Variants in GSTCD observed in about 807,000 individuals in gnomAD.
GSTCD encodes glutathione S-transferase C-terminal domain containing, also known as glutathione S-transferase C-terminal domain-containing protein.
Under a neutral mutation model 68.3 loss-of-function variants are expected in GSTCD, and 44 were observed. The ratio of observed to expected loss-of-function variants is 0.64; its 90% CI spans 0.51 to 0.83. The LOEUF is 0.83. GSTCD is among the 40% of genes least tolerant of loss of function. GSTCD has a pLI of 0.00. For missense variants in GSTCD, 739 were observed against 735.9 expected (o/e 1.00, Z -0.05); for synonymous variants, 273 against 255.2 (o/e 1.07, Z -0.67).
chr4:105,751,357 A>G (rs1734003943), intron 5 of GSTCD, among the ~76,000 whole-genome samples: 1 of 152,170 alleles, frequency 6.6e-6, no homozygotes, highest in African/African-American at 2.4e-5. Flanking sequence ...CCTTTTTTCA[A>G]ACAGAAGAAT....
intron 5 of GSTCD, among the ~76,000 whole-genome samples, chr4:105,792,562 T>C (rs572012512): frequency 3.9e-5 from 6 of 152,146 alleles, no homozygotes; most frequent in Admixed American, 1.3e-4. Context: ...TAAAAAATAC[T>C]AGAGCCGAAT....
At position 105,764,388 on chromosome 4, in the gene GSTCD, A is replaced by G. The variant is rs112278272; in HGVS notation, c.1240+34889A>G. Among the ~76,000 whole-genome samples the G allele has an allele frequency of 8.3e-3, 1,257 of 152,306 alleles. 10 individuals are homozygous for G. Among genetic ancestry groups the G allele is most frequent in the Middle Eastern group, 0.027 (8 of 294 alleles). On this transcript the variant is annotated intron_variant, in intron 5 of 11. Transcript: ENST00000515279. ...ATTTGTTCGTTTATGAGTGGCTGCA[A>G]CAGATTTAGAGAAAGATGTGGGATA...
intron 5 of GSTCD, among the ~76,000 whole-genome samples, chr4:105,795,615 A>C (rs1157442206): frequency 6.6e-6 from 1 of 152,088 alleles, no homozygotes; most frequent in Non-Finnish European, 1.5e-5. Flanking sequence ...AGCATCTAAA[A>C]TCATTAGGCC....
chr4:105,736,099 T>C (rs1053727700), intron 5 of GSTCD, among the ~76,000 whole-genome samples: 2 of 152,160 alleles, frequency 1.3e-5, no homozygotes, highest in African/African-American at 4.8e-5. Context: ...TTTTTGTTTC[T>C]TTATAATTTT....
intron 5 of GSTCD, among the ~76,000 whole-genome samples, chr4:105,814,485 C>A (rs1200923348): frequency 2.0e-5 from 3 of 152,040 alleles, no homozygotes; most frequent in African/African-American, 7.2e-5. Context: ...TGATGGTGTG[C>A]ACCTGTAATC....
chr4:105,725,279 A>G (rs961638327), intron 3 of GSTCD, among the ~76,000 whole-genome samples: 3 of 152,118 alleles, frequency 2.0e-5, no homozygotes, highest in Non-Finnish European at 4.4e-5. Flanking sequence ...AAGTTTTGGC[A>G]ATTATGAATA....
At chr4:105,743,334 A>T (rs1412432303) in intron 5 of GSTCD, among the ~76,000 whole-genome samples, 2 of 152,012 alleles carry the variant, frequency 1.3e-5, no homozygotes, top group African/African-American at 4.8e-5. Flanking sequence ...TTTTTCTTCA[A>T]TAGACTGTGA....
intron 5 of GSTCD, among the ~76,000 whole-genome samples, chr4:105,777,570 T>G (rs1735118806): frequency 6.6e-6 from 1 of 152,232 alleles, no homozygotes. Context: ...ATAAGTTACT[T>G]AGGTTCACAT....
intron 5 of GSTCD, among the ~76,000 whole-genome samples, chr4:105,763,797 A>G (rs1734504118): frequency 6.6e-6 from 1 of 152,166 alleles, no homozygotes; most frequent in South Asian, 2.1e-4. Flanking sequence ...CGTTTCTCTC[A>G]TCAAACCATT....
intron 8 of GSTCD, chr4:105,827,237 C>A (rs1668789429): frequency 6.6e-6 from 1 of 152,182 alleles, no homozygotes; most frequent in Admixed American, 6.5e-5. Context: ...TAAATGTGGA[C>A]TGCTACCCAT....
intron 5 of GSTCD, among the ~76,000 whole-genome samples, chr4:105,746,670 A>G (rs1415892184): frequency 1.3e-5 from 2 of 152,144 alleles, no homozygotes; most frequent in Non-Finnish European, 1.5e-5. Context: ...GTAGCAAGAT[A>G]TTCTTATCAA....
intron 5 of GSTCD, among the ~76,000 whole-genome samples, chr4:105,751,927 C>T (rs535627728): frequency 6.6e-6 from 1 of 152,288 alleles, no homozygotes; most frequent in East Asian, 1.9e-4. Context: ...GTATAACATA[C>T]TATTACCTAA....
chr4:105,763,424 T>A (rs1024226613), intron 5 of GSTCD, among the ~76,000 whole-genome samples: 1 of 152,164 alleles, frequency 6.6e-6, no homozygotes, highest in African/African-American at 2.4e-5. Context: ...CAATGATATA[T>A]GAACTGCTGT....
Position 105,719,342 on chromosome 4 carries a change from C to G in GSTCD, c.709C>G (p.Leu237Val). The G allele has an allele frequency of 6.2e-7, 1 of 1,614,122 alleles. No homozygotes were observed. The highest frequency in any genetic ancestry group is 8.5e-7 in the Non-Finnish European group (1 of 1,180,002). Residue 237 changes from leucine to valine, a missense_variant, in exon 3 of 12, where the codon CTG becomes GTG. Coordinates refer to ENST00000515279, the MANE Select transcript of GSTCD (RefSeq NM_001370181.1). Reference protein sequence around the residue: ...SEGLDSSSKSLELKVAFSKLT... With the variant: ...SEGLDSSSKSVELKVAFSKLT... ...AGGGTTGGATTCTTCATCCAAGAGTCTGGAACTGAAAGTGGCATTCTCAAA... is the reference window on the plus strand; with the variant it reads ...AGGGTTGGATTCTTCATCCAAGAGTGTGGAACTGAAAGTGGCATTCTCAAA...
At position 105,835,641 on chromosome 4, in the gene GSTCD, CTT is replaced by C. The variant is rs2149284635; in HGVS notation, c.1664+1048_1664+1049del. On this transcript the variant is annotated intron_variant, in intron 9 of 11. Transcript: ENST00000515279. ...GGCCGCATCTCTTCTCTCCTTCTCT[CTT>C]CTCTCCTTCTCATGCTTGCAACATG... Among the ~76,000 whole-genome samples, 3 of 152,188 alleles carry C rather than the reference CTT, an allele frequency of 2.0e-5. No individual in the cohort carries two copies. In the East Asian group the frequency reaches 5.8e-4, roughly 30 times the overall value.
chr4:105,811,138 C>T (rs1159757797), intron 5 of GSTCD, among the ~76,000 whole-genome samples: 1 of 152,128 alleles, frequency 6.6e-6, no homozygotes, highest in African/African-American at 2.4e-5. Context: ...TACTGCAAGA[C>T]TCCTTAGCAC....
intron 5 of GSTCD, among the ~76,000 whole-genome samples, chr4:105,736,271 G>T (rs1172830125): frequency 2.6e-5 from 4 of 151,988 alleles, no homozygotes; most frequent in Admixed American, 1.3e-4. Context: ...TTTCCTGTGA[G>T]TTTTGTAATT....
Position 105,823,690 on chromosome 4 carries a change from C to CA in GSTCD, c.1401+429dup, listed in dbSNP as rs575003488. Reference sequence around the variant, plus strand: ...ATAACAATAGCAAAATTTTTTAAAGCAAAAAAAAAAAAAACCCAAAACCTA... The same window carrying CA: ...ATAACAATAGCAAAATTTTTTAAAGCAAAAAAAAAAAAAAACCCAAAACCTA... On this transcript the variant is annotated intron_variant, in intron 7 of 11. Coordinates refer to ENST00000515279, the MANE Select transcript of GSTCD (RefSeq NM_001370181.1). 497 of 101,614 alleles carry CA rather than the reference C, an allele frequency of 4.9e-3. 1 individual carries two copies. The highest frequency in any genetic ancestry group is 0.022 in the South Asian group (75 of 3,340). 6.3% of individuals were successfully genotyped at this position (101,614 alleles called of 1,614,324 possible). A position where few individuals can be genotyped will look rare whatever the true frequency, so the allele number is the denominator to read the frequency against.
chr4:105,729,910 C>T (rs112785103), intron 5 of GSTCD, among the ~76,000 whole-genome samples: 266 of 152,082 alleles, frequency 1.7e-3, no homozygotes, highest in African/African-American at 6.0e-3. Context: ...TACCCCACAA[C>T]AGGCCCCGGT....
Sources: gnomAD v4.1 joint callset for allele counts (sites outside exome capture counted in the v4.1 genomes callset) on GRCh38, gnomAD v4.1.1 for gene constraint, MANE v1.5 for transcripts, NCBI Gene and HGNC (gene_info 2026-07-23, HGNC 2026-07-21) for gene names.